The following IMPA2 variants were observed in gnomAD, a reference collection of about 807,000 sequenced individuals.
IMPA2 encodes the protein inositol monophosphatase 2, also known as IMP 2.
IMPA2 carries 32 observed loss-of-function variants against 35.1 expected under a neutral mutation model. The ratio of observed to expected loss-of-function variants is 0.91; its 90% CI spans 0.69 to 1.23. The LOEUF is 1.23. IMPA2 is among the 50% of genes most tolerant of loss of function. IMPA2 has a pLI of 0.00. For missense variants in IMPA2, 334 were observed against 387.6 expected, an observed-to-expected ratio of 0.86 and a Z score of 1.16; for synonymous variants, 135 against 160.6, an observed-to-expected ratio of 0.84 and a Z score of 1.20.
At chr18:12,000,419 C>T (rs1430773544) in intron 2 of IMPA2, among the ~76,000 whole-genome samples, 20 of 147,918 alleles carry the variant, frequency 1.4e-4, no homozygotes, top group African/African-American at 4.5e-4. Context: ...TTTTTTTTCC[C>T]GTCGTTTCCT....
chr18:12,013,009 A>G (rs568669089), intron 4 of IMPA2, among the ~76,000 whole-genome samples: 1 of 152,336 alleles, frequency 6.6e-6, no homozygotes, highest in South Asian at 2.1e-4. Flanking sequence ...TTGTCTAAGG[A>G]TGCAATGATT....
rs1364506549 is a variant in IMPA2 at position 12,030,413 on chromosome 18, T to G, written c.822T>G (p.Ala274=). 1.2e-6 allele frequency: 2 copies of G among 1,614,170 alleles called. No homozygotes were observed. Among genetic ancestry groups the G allele is most frequent in the East Asian group, 2.2e-5 (1 of 44,880 alleles). Residue 274 remains alanine, a synonymous_variant, in exon 8 of 8, where the codon GCT becomes GCG. Transcript: ENST00000269159. ...ASTREMAMLI[A]QALQTINYGR... is the part of the protein sequence containing the mutation. ...CCCGGGAGATGGCGATGCTCATAGC[T>G]CAGGCCTTACAGACGATTAACTATG...
At chr18:12,012,602 C>G (rs1907466122) in intron 4 of IMPA2, among the ~76,000 whole-genome samples, 1 of 152,200 alleles carries the variant, frequency 6.6e-6, no homozygotes, top group African/African-American at 2.4e-5. Context: ...TCCCAATATT[C>G]TAATAATTCT....
At chr18:11,997,585 G>A (rs868162951) in intron 1 of IMPA2, among the ~76,000 whole-genome samples, 29 of 152,228 alleles carry the variant, frequency 1.9e-4, no homozygotes, top group African/African-American at 6.5e-4. Flanking sequence ...AGCCCCGTAT[G>A]GGGAGGAGCA....
In IMPA2 at chr18:12,009,945, G is replaced by C; in HGVS notation, c.293G>C (p.Trp98Ser). Residue 98 changes from tryptophan to serine, a missense_variant, in exon 3 of 8, where the codon TGG becomes TCG. By Grantham distance (177) the Trp-to-Ser change is radical. Transcript: ENST00000269159. ...TGTGTGCTCACCCACAGCCCGACGT[G>C]GATCATCGACCCCATCGACGGCACC... ...AKCVLTHSPT[W>S]IIDPIDGTCN... The C allele has an allele frequency of 1.9e-6, 3 of 1,614,094 alleles. No individual in the cohort carries two copies. Among genetic ancestry groups the C allele is most frequent in the Non-Finnish European group, 2.5e-6 (3 of 1,180,014 alleles).
At chr18:12,011,810 C>A (rs1007226608) in intron 3 of IMPA2, among the ~76,000 whole-genome samples, 1 of 152,230 alleles carries the variant, frequency 6.6e-6, no homozygotes, top group Non-Finnish European at 1.5e-5. Context: ...CCTGGCGCCC[C>A]ACCTGGGACT....
rs565068507 is a variant in IMPA2, at chr18:12,028,660, C to T, written c.600-182C>T. 64 of 680,634 alleles carry T rather than the reference C, an allele frequency of 9.4e-5. No individual in the cohort carries two copies. In the Middle Eastern group the frequency reaches 1.3e-3, roughly 13 times the overall value. The allele number at this position is 680,634 out of a possible 1,614,324, so 42.2% of individuals were successfully genotyped here. A position where few individuals can be genotyped will look rare whatever the true frequency, so the allele number is the denominator to read the frequency against. ...CATGGCACAAGGCATTTGCGTCTGG[C>T]GGAGGCCTGTTGGTTGGTGGCTCCA... On this transcript the variant is annotated intron_variant, in intron 6 of 7. Coordinates refer to ENST00000269159, the MANE Select transcript of IMPA2 (RefSeq NM_014214.3).
chr18:11,994,825 A>AT (rs1906914998), intron 1 of IMPA2: 1 of 152,562 alleles, frequency 6.6e-6, no homozygotes, highest in Admixed American at 6.5e-5. Flanking sequence ...ACATGGAGTG[A>AT]TAAGTGCTGT....
At chr18:12,008,359 G>A (rs753299913) in intron 2 of IMPA2, 2 of 518,930 alleles carry the variant, frequency 3.9e-6, no homozygotes, top group South Asian at 1.4e-5. Context: ...GTACACATGT[G>A]AACCCGGCAC....
At chr18:12,025,377 G>A (rs1327280586) in intron 5 of IMPA2, among the ~76,000 whole-genome samples, 1 of 152,148 alleles carries the variant, frequency 6.6e-6, no homozygotes, top group African/African-American at 2.4e-5. Flanking sequence ...CAACTCCTTG[G>A]GTGAACACCA....
chr18:12,017,946 T>TA (rs1907626844), intron 5 of IMPA2: 1 of 13,998 alleles, frequency 7.1e-5, no homozygotes, highest in African/African-American at 1.3e-4. Flanking sequence ...TTTTTTTCTG[T>TA]TTTTTTTTTT....
intron 5 of IMPA2, among the ~76,000 whole-genome samples, chr18:12,018,821 T>G (rs1266014873): frequency 6.6e-6 from 1 of 152,150 alleles, no homozygotes; most frequent in African/African-American, 2.4e-5. Context: ...TTTTGGTGTC[T>G]TTTATTATTA....
chr18:12,024,242 C>T (rs538892610), intron 5 of IMPA2, among the ~76,000 whole-genome samples: 9 of 152,076 alleles, frequency 5.9e-5, no homozygotes, highest in Admixed American at 1.3e-4. Context: ...TTTTAAAAAG[C>T]ACTGTGTGAG....
At chr18:12,025,603 G>A (rs185500146) in intron 5 of IMPA2, among the ~76,000 whole-genome samples, 6 of 152,234 alleles carry the variant, frequency 3.9e-5, no homozygotes, top group South Asian at 2.1e-4. Flanking sequence ...GTTTTGAGAC[G>A]GAGGCTCACT....
chr18:12,007,835 T>G (rs564429159), intron 2 of IMPA2, among the ~76,000 whole-genome samples: 93 of 151,928 alleles, frequency 6.1e-4, no homozygotes, highest in African/African-American at 2.1e-3. Context: ...TGGAGTGCAA[T>G]GGCATGATCT....
In IMPA2 at chr18:11,996,085, A is replaced by G. The variant is rs186353291; in HGVS notation, c.97-2969A>G. Among the ~76,000 whole-genome samples, 463 of 152,332 alleles carry G rather than the reference A, an allele frequency of 3.0e-3. 2 individuals carry two copies. Among genetic ancestry groups the G allele is most frequent in the African/African-American group, 0.01 (425 of 41,574 alleles). ...GAGCTCCTGCCTGGGAGAGACAGTCAAAAACAAAACCGACAGGAAGGATGG... is the reference window on the plus strand; with the variant it reads ...GAGCTCCTGCCTGGGAGAGACAGTCGAAAACAAAACCGACAGGAAGGATGG... On this transcript the variant is annotated intron_variant, in intron 1 of 7. Transcript: ENST00000269159.
At chr18:12,007,567 T>C (rs1281040985) in intron 2 of IMPA2, among the ~76,000 whole-genome samples, 1 of 147,718 alleles carries the variant, frequency 6.8e-6, no homozygotes, top group African/African-American at 2.6e-5. Context: ...CTTTCTTTCT[T>C]TCCTTCTTTT....
chr18:12,007,325 CTT>C (rs955000360), intron 2 of IMPA2, among the ~76,000 whole-genome samples: 33 of 152,304 alleles, frequency 2.2e-4, no homozygotes, highest in African/African-American at 7.9e-4. Flanking sequence ...GAACTGAAGT[CTT>C]TATTTAATTC....
At chr18:12,030,239 A>G in intron 7 of IMPA2, 104 bp from the exon 8 acceptor site, 2 of 806,478 alleles carry the variant, frequency 2.5e-6, no homozygotes, top group South Asian at 3.2e-5. Flanking sequence ...GCACGGTTCC[A>G]TGTGCCATTT....
Sources: gnomAD v4.1 joint callset for allele counts (sites outside exome capture counted in the v4.1 genomes callset) on GRCh38, gnomAD v4.1.1 for gene constraint, MANE v1.5 for transcripts, NCBI Gene and HGNC (gene_info 2026-07-23, HGNC 2026-07-21) for gene names.